The following SMPDL3B variants were observed in gnomAD, a reference collection of about 807,000 sequenced individuals.
The protein encoded by SMPDL3B is sphingomyelin phosphodiesterase acid like 3B.
SMPDL3B carries 31 observed loss-of-function variants against 37.9 expected under a neutral mutation model. The ratio of observed to expected loss-of-function variants is 0.82; its 90% CI spans 0.61 to 1.10. SMPDL3B has a LOEUF of 1.10. SMPDL3B is among the 50% of genes least tolerant of loss of function. SMPDL3B has a pLI of 0.00. For missense variants in SMPDL3B, 525 were observed against 597.8 expected (o/e 0.88, Z 1.27); for synonymous variants, 235 against 242.6 (o/e 0.97, Z 0.29).
intron 1 of SMPDL3B, among the ~76,000 whole-genome samples, chr1:27,935,617 G>A (rs1229138629): frequency 9.9e-5 from 15 of 152,156 alleles, no homozygotes; most frequent in Admixed American, 9.8e-4. Context: ...GAAAGTCCCC[G>A]TCTCAATGAA....
At position 27,958,378 on chromosome 1, in the gene SMPDL3B, T is replaced by C; in HGVS notation, c.1006-98T>C. ...GCTCAATAACTACTAGTGGTCATGG[T>C]CACTGCTCTAAAGAACTTGGGGGCA... is the stretch of plus-strand genomic sequence containing the variant. On this transcript the variant is annotated intron_variant, in intron 7 of 7. Coordinates refer to ENST00000373894, the MANE Select transcript of SMPDL3B (RefSeq NM_014474.4). The surrounding 1 kb of genome is among the most constrained non-coding windows in gnomAD (Gnocchi z 5.6). 2.0e-6 allele frequency: 3 copies of C among 1,473,422 alleles called. No homozygotes were observed. The highest frequency in any genetic ancestry group is 2.7e-6 in the Non-Finnish European group (3 of 1,097,116). The allele number at this position is 1,473,422 out of a possible 1,614,324, so 91.3% of individuals were successfully genotyped here. A position where few individuals can be genotyped will look rare whatever the true frequency, so the allele number is the denominator to read the frequency against.
chr1:27,938,513 T>C (rs2148672385), intron 1 of SMPDL3B, among the ~76,000 whole-genome samples: 1 of 152,308 alleles, frequency 6.6e-6, no homozygotes, highest in Admixed American at 6.5e-5. Flanking sequence ...TTACTGTTTA[T>C]AAAATAGGGA....
chr1:27,950,023 G>A (rs1314117489), intron 3 of SMPDL3B, among the ~76,000 whole-genome samples: 1 of 152,170 alleles, frequency 6.6e-6, no homozygotes. Flanking sequence ...CTTGGGGGAG[G>A]TGCTGTGACC....
At chr1:27,935,929 C>T (rs748849550) in intron 1 of SMPDL3B, among the ~76,000 whole-genome samples, 42 of 151,980 alleles carry the variant, frequency 2.8e-4, no homozygotes, top group East Asian at 1.7e-3. Flanking sequence ...AGGAAGCCCG[C>T]GTGGCTGAAG....
Position 27,955,702 on chromosome 1 carries a change from G to T in SMPDL3B, c.709G>T (p.Val237Leu). 6.2e-7 allele frequency: 1 copy of T among 1,613,678 alleles called. No individual in the cohort carries two copies. The highest frequency in any genetic ancestry group is 1.1e-5 in the South Asian group (1 of 91,074). ...CTTGTAGGTGTACATTGTCGGCCACGTGCCCCCGGGGTTCTTTGAGAAGAC... is the reference window on the plus strand; with the variant it reads ...CTTGTAGGTGTACATTGTCGGCCACTTGCCCCCGGGGTTCTTTGAGAAGAC... ...AGDMVYIVGHVPPGFFEKTQN... is the reference protein window; with the variant it reads ...AGDMVYIVGHLPPGFFEKTQN... The change falls in exon 6 of 8, where the codon GTG (valine) becomes TTG (leucine). Residue 237 changes from valine to leucine, a missense_variant. Val to Leu is a conservative substitution (Grantham distance 32). Coordinates refer to ENST00000373894, the MANE Select transcript of SMPDL3B (RefSeq NM_014474.4).
chr1:27,942,468 G>A (rs1366756108), intron 1 of SMPDL3B: 2 of 400,866 alleles, frequency 5.0e-6, no homozygotes, highest in African/African-American at 4.2e-5. Flanking sequence ...CTGGCTTGGG[G>A]TTTTGTCACT....
intron 7 of SMPDL3B, among the ~76,000 whole-genome samples, chr1:27,956,760 G>T (rs4644519): frequency 6.6e-6 from 1 of 151,970 alleles, no homozygotes; most frequent in Non-Finnish European, 1.5e-5. Flanking sequence ...TAAATATGTA[G>T]AATTAATTAT....
chr1:27,947,979 G>C (rs940677768), intron 2 of SMPDL3B, among the ~76,000 whole-genome samples: 2 of 152,150 alleles, frequency 1.3e-5, no homozygotes, highest in Non-Finnish European at 2.9e-5. Context: ...CCTGTCCCCA[G>C]GGAGTTTTCA....
chr1:27,955,913 C>G, intron 6 of SMPDL3B, 36 bp from the exon 7 acceptor site: 5 of 1,612,970 alleles, frequency 3.1e-6, no homozygotes, highest in Non-Finnish European at 4.2e-6. Flanking sequence ...CTTCTCTCCC[C>G]AGACCCGCTC....
Position 27,945,192 on chromosome 1 carries a change from G to A in SMPDL3B, c.62-40G>A. 1 of 1,601,370 alleles carries A rather than the reference G, an allele frequency of 6.2e-7. No homozygotes were observed. The highest frequency in any genetic ancestry group is 1.1e-5 in the South Asian group (1 of 90,522). Reference sequence around the variant, plus strand: ...GGACTTCCTTGCTTCCAGGCTGAGAGAGAGACCAGCTTTGAAGGAGGATGT... The same window carrying A: ...GGACTTCCTTGCTTCCAGGCTGAGAAAGAGACCAGCTTTGAAGGAGGATGT... On this transcript the variant is annotated intron_variant, in intron 1 of 7. Coordinates refer to ENST00000373894, the MANE Select transcript of SMPDL3B (RefSeq NM_014474.4). The surrounding 1 kb of genome is among the most constrained non-coding windows in gnomAD (Gnocchi z 4.0).
In SMPDL3B at chr1:27,955,874, C is replaced by G; in HGVS notation, c.871+10C>G. Reference sequence around the variant, plus strand: ...CTCTATGATGATGCAGGTATTCAACCTGGAGGGCAACTGCCAGCTCCCTCC... The same window carrying G: ...CTCTATGATGATGCAGGTATTCAACGTGGAGGGCAACTGCCAGCTCCCTCC... On this transcript the variant is annotated intron_variant, in intron 6 of 7. Transcript: ENST00000373894. The G allele has an allele frequency of 6.2e-7, 1 of 1,612,118 alleles. No homozygotes were observed. Among genetic ancestry groups the G allele is most frequent in the Non-Finnish European group, 8.5e-7 (1 of 1,178,322 alleles).
intron 2 of SMPDL3B, among the ~76,000 whole-genome samples, chr1:27,946,007 G>A (rs2090403508): frequency 6.6e-6 from 1 of 152,184 alleles, no homozygotes; most frequent in Admixed American, 6.5e-5. Context: ...GTCCAAGGTT[G>A]CTGCTCTAAT....
At chr1:27,951,179 A>G (rs779524854) in intron 3 of SMPDL3B, among the ~76,000 whole-genome samples, 2 of 152,192 alleles carry the variant, frequency 1.3e-5, no homozygotes, top group Non-Finnish European at 2.9e-5. Flanking sequence ...ATGCATCATT[A>G]TGTATAACTA....
intron 3 of SMPDL3B, among the ~76,000 whole-genome samples, 195 bp downstream of exon 3, chr1:27,949,357 G>A (rs772124970): frequency 3.3e-5 from 5 of 152,180 alleles, no homozygotes; most frequent in Admixed American, 6.6e-5. Context: ...CCCATGGGCC[G>A]GTGGATACAC....
chr1:27,955,338 G>T (rs1482658067), intron 5 of SMPDL3B, among the ~76,000 whole-genome samples: 1 of 152,218 alleles, frequency 6.6e-6, no homozygotes, highest in Admixed American at 6.5e-5. Flanking sequence ...ACACAACCAC[G>T]CAAGAATGGT....
At chr1:27,943,931 T>C (rs2090381759) in intron 1 of SMPDL3B, among the ~76,000 whole-genome samples, 1 of 150,644 alleles carries the variant, frequency 6.6e-6, no homozygotes, top group African/African-American at 2.4e-5. Flanking sequence ...AGAGAATCAC[T>C]TGAACCCAGG....
chr1:27,958,828 T>C lies in SMPDL3B; in HGVS notation c.1358T>C (p.Leu453Pro). 6.3e-7 allele frequency: 1 copy of C among 1,588,078 alleles called. No homozygotes were observed. The highest frequency in any genetic ancestry group is 1.1e-5 in the South Asian group (1 of 89,682). The stretch of plus-strand genomic sequence containing the variant: ...ATGGCCCTGCTGGGCCTGTGCACGC[T>C]CGTGCTGTGACCTGCCAGGCTCACC... The part of the protein sequence containing the change: ...LLMALLGLCT[L>P]VL Residue 453 changes from leucine to proline, a missense_variant, in exon 8 of 8, where the codon CTC becomes CCC. Leu to Pro is a moderately conservative substitution (Grantham distance 98). Coordinates refer to ENST00000373894, the MANE Select transcript of SMPDL3B (RefSeq NM_014474.4). The surrounding 1 kb of genome is among the most constrained non-coding windows in gnomAD (Gnocchi z 5.6).
chr1:27,953,449 AT>A, intron 4 of SMPDL3B, 91 bp downstream of exon 4: 1 of 1,165,164 alleles, frequency 8.6e-7, no homozygotes, highest in Non-Finnish European at 1.2e-6. Flanking sequence ...ATAAGTACTG[AT>A]TTTATCCCCA....
At position 27,944,519 on chromosome 1, in the gene SMPDL3B, G is replaced by A. The variant is rs145738212; in HGVS notation, c.62-713G>A. On this transcript the variant is annotated intron_variant, in intron 1 of 7. Coordinates refer to ENST00000373894, the MANE Select transcript of SMPDL3B (RefSeq NM_014474.4). ...ACAGGTACATGACCCCACACCCGAC[G>A]AATTTTCTAAATTTTGTGTAGAGAT... Among the ~76,000 whole-genome samples, 755 of 151,920 alleles carry A rather than the reference G, an allele frequency of 5.0e-3. 4 individuals carry two copies. The highest frequency in any genetic ancestry group is 8.1e-3 in the Non-Finnish European group (550 of 67,936).
Sources: allele counts gnomAD v4.1 joint callset (sites outside exome capture counted in the v4.1 genomes callset), GRCh38; gene constraint gnomAD v4.1.1; non-coding constraint Gnocchi (gnomAD v3.1); transcripts MANE v1.5; gene names NCBI Gene and HGNC (gene_info 2026-07-23, HGNC 2026-07-21).